FRMD6: variants seen among roughly 807,000 people sequenced by gnomAD.
The protein encoded by FRMD6 is FERM domain-containing protein 6.
In FRMD6, 37 loss-of-function variants were observed where a neutral mutation model predicts 73.2. That is an observed-to-expected ratio of 0.51 (90% confidence interval 0.39 to 0.66). The LOEUF (loss-of-function observed/expected upper bound fraction) is 0.66, where lower values mean the gene tolerates loss of function less well. Ranked by LOEUF, FRMD6 falls within the 30% of genes least tolerant of loss-of-function variation. FRMD6 has a pLI of 0.00. For synonymous variants in FRMD6, 273 were observed against 282.2 expected, an observed-to-expected ratio of 0.97 and a Z score of 0.33; for missense variants, 714 against 780.5, an observed-to-expected ratio of 0.91 and a Z score of 1.02.
chr14:51,686,611 AT>A (rs201740313), intron 1 of FRMD6, among the ~76,000 whole-genome samples: 22 of 149,450 alleles, frequency 1.5e-4, no homozygotes, highest in South Asian at 4.3e-4. Flanking sequence ...ATTAAAACTG[AT>A]TTTTTTTTTG....
chr14:51,694,048 A>G (rs1368622715), intron 2 of FRMD6, among the ~76,000 whole-genome samples: 1 of 152,262 alleles, frequency 6.6e-6, no homozygotes, highest in Non-Finnish European at 1.5e-5. Context: ...TTCTCTCTCT[A>G]TAACAATGAA....
rs764713119 is a variant in FRMD6, at chr14:51,628,800, CAAAAAAAAAAA to C, written c.-147+58404_-147+58414del. Among the ~76,000 whole-genome samples, 106 of 52,344 alleles carry C rather than the reference CAAAAAAAAAAA, an allele frequency of 2.0e-3. 1 individual carries two copies. The highest frequency in any genetic ancestry group is 7.1e-3 in the African/African-American group (103 of 14,526). The allele number at this position is 52,344 out of a possible 152,430, so 34.3% of individuals were successfully genotyped here. ...TGGGTGACAGAGCAAGACTCTGTCT[CAAAAAAAAAAA>C]AAAAAAAAAAAAAGGCAACATACAC... On this transcript the variant is annotated intron_variant, in intron 2 of 14. Transcript: ENST00000356218.
chr14:51,685,982 A>T (rs1895122588), intron 1 of FRMD6, among the ~76,000 whole-genome samples: 2 of 152,206 alleles, frequency 1.3e-5, no homozygotes, highest in Non-Finnish European at 2.9e-5. Context: ...TGAAGATACC[A>T]TATTGACTGT....
Position 51,728,060 on chromosome 14 carries a change from T to G in FRMD6, c.*31T>G. 2 of 1,580,204 alleles carry G rather than the reference T, an allele frequency of 1.3e-6. No individual in the cohort carries two copies. The highest frequency in any genetic ancestry group is 1.7e-6 in the Non-Finnish European group (2 of 1,157,506). On this transcript the variant is annotated 3_prime_UTR_variant, in exon 14 of 14. Coordinates refer to ENST00000344768, the MANE Select transcript of FRMD6 (RefSeq NM_001267046.2). Reference sequence around the variant, plus strand: ...GTCTGTGTGCAGCTGTACAGGCAGCTTACTGTTTGCTAGAGGATGCGAAAG... The same window carrying G: ...GTCTGTGTGCAGCTGTACAGGCAGCGTACTGTTTGCTAGAGGATGCGAAAG...
chr14:51,666,063 A>G (rs1566545468), intron 1 of FRMD6, among the ~76,000 whole-genome samples: 1 of 152,226 alleles, frequency 6.6e-6, no homozygotes, highest in Non-Finnish European at 1.5e-5. Context: ...GTAATCTATG[A>G]TTATAGTGAC....
chr14:51,648,149 TAAA>T (rs961757389), upstream of FRMD6, among the ~76,000 whole-genome samples: 8 of 152,192 alleles, frequency 5.3e-5, no homozygotes, highest in Non-Finnish European at 1.0e-4. Flanking sequence ...ATACAAAAGA[TAAA>T]AATAATTTTT....
upstream of FRMD6, among the ~76,000 whole-genome samples, chr14:51,485,057 C>T (rs199907208): frequency 2.0e-5 from 3 of 152,150 alleles, no homozygotes; most frequent in East Asian, 1.9e-4. Flanking sequence ...AAGAACACAG[C>T]GTAATTGAAG....
At chr14:51,667,562 C>T (rs183131841) in intron 1 of FRMD6, among the ~76,000 whole-genome samples, 1 of 152,220 alleles carries the variant, frequency 6.6e-6, no homozygotes. Context: ...TAATTTTTTG[C>T]ATAGTTTAGT....
chr14:51,588,189 C>A lies in FRMD6; in HGVS notation c.-147+17779C>A, dbSNP rs192011559. Among the ~76,000 whole-genome samples, 181 of 152,200 alleles carry A rather than the reference C, an allele frequency of 1.2e-3. 1 individual carries two copies. Among genetic ancestry groups the A allele is most frequent in the Middle Eastern group, 0.01 (3 of 294 alleles). On this transcript the variant is annotated intron_variant, in intron 2 of 14. Coordinates refer to the FRMD6 transcript ENST00000356218. The stretch of plus-strand genomic sequence containing the variant: ...CTAATACAAAAAAGCATTTCCCCCC[C>A]TCCCAAACCTGCAAATGACTCAATG...
intron 2 of FRMD6, among the ~76,000 whole-genome samples, chr14:51,694,901 A>G (rs1450601583): frequency 6.6e-6 from 1 of 152,196 alleles, no homozygotes; most frequent in Non-Finnish European, 1.5e-5. Context: ...AGCAGGCAAG[A>G]CTTCAGAGCC....
chr14:51,585,961 A>ATATATATATATATAT (rs1555324347), intron 2 of FRMD6, among the ~76,000 whole-genome samples: 83 of 56,252 alleles, frequency 1.5e-3, no homozygotes, highest in Middle Eastern at 0.011. Context: ...ATATATATAT[A>ATATATATATATATAT]ACATTTTCTT....
chr14:51,467,700 C>T, the FRMD6 span, among the ~76,000 whole-genome samples: 1 of 151,754 alleles, frequency 6.6e-6, no homozygotes, highest in Non-Finnish European at 1.5e-5. Context: ...GGGTCGCGGC[C>T]TGGCAGAGGT....
chr14:51,705,061 C>T (rs1896543650), intron 6 of FRMD6, 126 bp downstream of exon 6: 1 of 762,426 alleles, frequency 1.3e-6, no homozygotes, highest in African/African-American at 1.8e-5. Context: ...TTGTGATGCC[C>T]AGATATTTAA....
chr14:51,549,812 A>C (rs963164252), intron 1 of FRMD6, among the ~76,000 whole-genome samples: 3 of 151,154 alleles, frequency 2.0e-5, no homozygotes, highest in African/African-American at 7.3e-5. Flanking sequence ...AGCCAGGATG[A>C]TCTCGATCTC....
the FRMD6 span, among the ~76,000 whole-genome samples, chr14:51,402,789 C>A: frequency 6.6e-6 from 1 of 152,064 alleles, no homozygotes. Context: ...CAGGTGCCCA[C>A]CACCATGCCC....
intron 2 of FRMD6, among the ~76,000 whole-genome samples, chr14:51,626,409 G>A (rs1891118035): frequency 6.6e-6 from 1 of 152,228 alleles, no homozygotes; most frequent in Non-Finnish European, 1.5e-5. Context: ...GATAGCATGA[G>A]GGAAAGCACG....
chr14:51,538,293 A>T (rs1414286102), intron 1 of FRMD6, among the ~76,000 whole-genome samples: 4 of 152,032 alleles, frequency 2.6e-5, no homozygotes, highest in Admixed American at 1.3e-4. Context: ...TATTGTAGTT[A>T]TAAGTCCCTC....
At chr14:51,443,544 G>A in the FRMD6 span, among the ~76,000 whole-genome samples, 2 of 152,174 alleles carry the variant, frequency 1.3e-5, no homozygotes, top group African/African-American at 2.4e-5. Context: ...GAAACCAAAG[G>A]CTGCATCTCC....
intron 2 of FRMD6, among the ~76,000 whole-genome samples, chr14:51,642,771 G>A (rs1891869799): frequency 6.6e-6 from 1 of 152,194 alleles, no homozygotes; most frequent in South Asian, 2.1e-4. Context: ...TAATTTGAAT[G>A]TAAAGCTCCA....
Sources: gnomAD v4.1 joint callset for allele counts (sites outside exome capture counted in the v4.1 genomes callset) on GRCh38, gnomAD v4.1.1 for gene constraint, MANE v1.5 for transcripts, NCBI Gene and HGNC (gene_info 2026-07-23, HGNC 2026-07-21) for gene names.